Variants in TMEM178B observed in about 807,000 individuals in gnomAD.
TMEM178B encodes transmembrane protein 178B.
Under a neutral mutation model 31.0 loss-of-function variants are expected in TMEM178B, and 5 were observed. The observed-to-expected ratio is 0.16, with a 90% confidence interval of 0.08 to 0.34. The LOEUF is 0.34. Ranked by LOEUF, TMEM178B falls within the 10% of genes least tolerant of loss-of-function variation. The probability of loss-of-function intolerance (pLI) is 1.00; values close to 1 mark genes in which losing one functional copy is unlikely to be tolerated. For synonymous variants in TMEM178B, 164 were observed against 164.0 expected (o/e 1.00, Z 0.00); for missense variants, 275 against 400.3 (o/e 0.69, Z 2.67).
chr7:141,155,219 A>G (rs1051353953), intron 1 of TMEM178B, among the ~76,000 whole-genome samples: 4 of 152,208 alleles, frequency 2.6e-5, no homozygotes, highest in African/African-American at 9.6e-5. Flanking sequence ...AGATTTAGAC[A>G]GAGAAGTAGT....
In TMEM178B at chr7:141,341,754, G is replaced by GA. The variant is rs75639509; in HGVS notation, c.497-95843dup. ...TTTCAAATGCATCTCCTTTTAACTA[G>GA]AAAAAAAAAAATTATGGCAAAGCTC... is the stretch of plus-strand genomic sequence containing the variant. On this transcript the variant is annotated intron_variant, in intron 2 of 3. Transcript: ENST00000565468. Among the ~76,000 whole-genome samples, 572 of 146,760 alleles carry GA rather than the reference G, an allele frequency of 3.9e-3. 1 individual carries two copies. The highest frequency in any genetic ancestry group is 0.021 in the Middle Eastern group (6 of 286).
intron 2 of TMEM178B, among the ~76,000 whole-genome samples, chr7:141,403,234 T>C (rs1228610286): frequency 6.6e-6 from 1 of 152,116 alleles, no homozygotes; most frequent in Admixed American, 6.5e-5. Context: ...GATGGTGGAG[T>C]GAGTGAGGGT....
chr7:141,398,712 G>A (rs1287657930), intron 2 of TMEM178B, among the ~76,000 whole-genome samples: 1 of 152,186 alleles, frequency 6.6e-6, no homozygotes, highest in African/African-American at 2.4e-5. Flanking sequence ...AAGCCACAGG[G>A]GGTACTGTGG....
rs1229326458 is a variant in TMEM178B at position 141,344,615 on chromosome 7, CCTTCCTT to C, written c.497-92991_497-92985del. 2.0e-5 allele frequency among the ~76,000 whole-genome samples: 3 copies of C among 150,584 alleles called. No homozygotes were observed. The highest frequency in any genetic ancestry group is 7.4e-5 in the African/African-American group (3 of 40,634). On this transcript the variant is annotated intron_variant, in intron 2 of 3. Transcript: ENST00000565468. The surrounding 1 kb of genome is among the most constrained non-coding windows in gnomAD (Gnocchi z 4.1). Reference sequence around the variant, plus strand: ...TCCTTCCTTCCTTCCTTCCTTCCTTCCTTCCTTCCTTCCTCCCTTCCTTCTTCCCTTC... The same window carrying C: ...TCCTTCCTTCCTTCCTTCCTTCCTTCCCTTCCTCCCTTCCTTCTTCCCTTC...
intron 1 of TMEM178B, among the ~76,000 whole-genome samples, chr7:141,094,039 A>G: frequency 6.6e-6 from 1 of 152,220 alleles, no homozygotes; most frequent in Non-Finnish European, 1.5e-5. Flanking sequence ...TTTAAATTAG[A>G]TAAATAAAAG....
intron 1 of TMEM178B, among the ~76,000 whole-genome samples, chr7:141,119,069 C>T (rs142675991): frequency 6.6e-6 from 1 of 152,192 alleles, no homozygotes; most frequent in Non-Finnish European, 1.5e-5. Flanking sequence ...AGGAGGAGGA[C>T]TGGAAGGGGC....
At chr7:141,336,637 T>A (rs1563155046) in intron 2 of TMEM178B, among the ~76,000 whole-genome samples, 1 of 151,962 alleles carries the variant, frequency 6.6e-6, no homozygotes, top group East Asian at 1.9e-4. Flanking sequence ...TAGGACGCTA[T>A]GTTTCAAAAA....
At chr7:141,323,572 T>C (rs1799137812) in intron 2 of TMEM178B, among the ~76,000 whole-genome samples, 1 of 152,230 alleles carries the variant, frequency 6.6e-6, no homozygotes, top group South Asian at 2.1e-4. Context: ...GTGGTTCTAA[T>C]CCTTTTCCCA....
At chr7:141,246,665 G>A (rs530519290) in intron 2 of TMEM178B, among the ~76,000 whole-genome samples, 1 of 152,162 alleles carries the variant, frequency 6.6e-6, no homozygotes, top group Non-Finnish European at 1.5e-5. Context: ...CTGGAAAAGA[G>A]TGTGTGCAGG....
chr7:141,243,945 T>G (rs1001820480), intron 2 of TMEM178B, among the ~76,000 whole-genome samples: 2 of 152,298 alleles, frequency 1.3e-5, no homozygotes, highest in South Asian at 4.2e-4. Context: ...CCACAATGCC[T>G]GCCCTCATGA....
chr7:141,080,170 T>C (rs1292326235), intron 1 of TMEM178B, among the ~76,000 whole-genome samples: 1 of 152,250 alleles, frequency 6.6e-6, no homozygotes, highest in Non-Finnish European at 1.5e-5. Flanking sequence ...TTTGCTTATT[T>C]ACTTCGCTTG....
chr7:141,377,392 CG>C (rs1205857237), intron 2 of TMEM178B, among the ~76,000 whole-genome samples: 1 of 151,818 alleles, frequency 6.6e-6, no homozygotes, highest in Admixed American at 6.6e-5. Flanking sequence ...CCACGTTGGC[CG>C]GCTGATCTTG....
At chr7:141,357,136 C>A (rs1328581521) in intron 2 of TMEM178B, among the ~76,000 whole-genome samples, 1 of 152,168 alleles carries the variant, frequency 6.6e-6, no homozygotes, top group East Asian at 1.9e-4. Context: ...CAAATGAGGG[C>A]TCTATTATTT....
At chr7:141,373,777 G>T (rs1306498584) in intron 2 of TMEM178B, among the ~76,000 whole-genome samples, 1 of 152,208 alleles carries the variant, frequency 6.6e-6, no homozygotes, top group Non-Finnish European at 1.5e-5. Flanking sequence ...GGTTCTGAAG[G>T]GTGAGCTGGG....
In TMEM178B at chr7:141,074,517, C is replaced by G. The variant is rs1437294978; in HGVS notation, c.207C>G (p.Arg69=). 1 of 1,536,050 alleles carries G rather than the reference C, an allele frequency of 6.5e-7. No individual in the cohort carries two copies. The highest frequency in any genetic ancestry group is 8.7e-7 in the Non-Finnish European group (1 of 1,146,824). Residue 69 remains arginine, a synonymous_variant, in exon 1 of 4, where the codon CGC becomes CGG. Transcript: ENST00000565468. The surrounding 1 kb of genome is among the most constrained non-coding windows in gnomAD (Gnocchi z 5.1). ...ACAACTTGCCGCTCCGGGCGAGCCG[C>G]TCGCGCCTGGACCGCTGGGAGGGCA... The part of the protein sequence containing the change: ...NNNNLPLRAS[R]SRLDRWEGKL...
intron 1 of TMEM178B, among the ~76,000 whole-genome samples, chr7:141,103,895 G>A (rs1379468625): frequency 6.6e-6 from 1 of 152,106 alleles, no homozygotes; most frequent in Non-Finnish European, 1.5e-5. Context: ...AAGAAAACAG[G>A]GTTGATTGGA....
chr7:141,376,845 A>T (rs6959978), intron 2 of TMEM178B, among the ~76,000 whole-genome samples: 14,849 of 152,204 alleles, frequency 0.098, 944 homozygotes, highest in African/African-American at 0.17. Flanking sequence ...CAATCAAATA[A>T]AATCATCCTT....
intron 2 of TMEM178B, among the ~76,000 whole-genome samples, chr7:141,216,902 A>G (rs1265400527): frequency 1.3e-5 from 2 of 152,100 alleles, no homozygotes; most frequent in African/African-American, 4.8e-5. Context: ...TCCAAGGGTA[A>G]GCTGCATGCC....
In TMEM178B at chr7:141,212,771, T is replaced by C. The variant is rs1412780136; in HGVS notation, c.496+67T>C. 3.2e-6 allele frequency: 4 copies of C among 1,247,258 alleles called. No homozygotes were observed. In the African/African-American group the frequency reaches 6.0e-5, roughly 19 times the overall value. 77.3% of individuals were successfully genotyped at this position (1,247,258 alleles called of 1,614,324 possible). A position where few individuals can be genotyped will look rare whatever the true frequency, so the allele number is the denominator to read the frequency against. ...GGTCCCCTTTGGAGGGATTGGAGGA[T>C]TGGATGTGCCTCCTTCTGGGATCTG... On this transcript the variant is annotated intron_variant, in intron 2 of 3. Coordinates refer to ENST00000565468, the MANE Select transcript of TMEM178B (RefSeq NM_001195278.2).
Sources: gnomAD v4.1 joint callset for allele counts (sites outside exome capture counted in the v4.1 genomes callset) on GRCh38, gnomAD v4.1.1 for gene constraint, Gnocchi (gnomAD v3.1) non-coding constraint, MANE v1.5 for transcripts, NCBI Gene and HGNC (gene_info 2026-07-23, HGNC 2026-07-21) for gene names.